Variants in UBAP2 observed in about 807,000 individuals in gnomAD.
UBAP2 encodes the protein ubiquitin associated protein 2.
A neutral mutation model predicts 139.6 loss-of-function variants in UBAP2; 75 were observed. The observed-to-expected ratio is 0.54, with a 90% CI of 0.45 to 0.65. The LOEUF (loss-of-function observed/expected upper bound fraction) is 0.65, where lower values mean the gene tolerates loss of function less well. Ranked by LOEUF, UBAP2 falls within the 30% of genes least tolerant of loss-of-function variation. The pLI is 0.00. For synonymous variants in UBAP2, 526 were observed against 526.2 expected, an observed-to-expected ratio of 1.00 and a Z score of 0.01; for missense variants, 1,368 against 1,369.6, an observed-to-expected ratio of 1.00 and a Z score of 0.02.
chr9:34,020,925 G>A (rs972192992), intron 1 of UBAP2, among the ~76,000 whole-genome samples: 1 of 152,136 alleles, frequency 6.6e-6, no homozygotes, highest in Non-Finnish European at 1.5e-5. Flanking sequence ...GCCTCCCAAA[G>A]TGGTGGGATT....
At chr9:33,979,064 C>T (rs904184740) in intron 6 of UBAP2, among the ~76,000 whole-genome samples, 2 of 152,104 alleles carry the variant, frequency 1.3e-5, no homozygotes, top group African/African-American at 4.8e-5. Flanking sequence ...ACACAGAGAC[C>T]TGCCTACAAT....
At chr9:33,927,731 TG>T (rs1823576879) in intron 20 of UBAP2, 65 bp downstream of exon 20, 17 of 1,514,624 alleles carry the variant, frequency 1.1e-5, no homozygotes, top group African/African-American at 1.4e-5. Flanking sequence ...ACTGCCTTCC[TG>T]GGACGCCAAG....
chr9:34,018,262 G>C (rs1198534095), intron 1 of UBAP2, among the ~76,000 whole-genome samples: 1 of 147,188 alleles, frequency 6.8e-6, no homozygotes. Flanking sequence ...GAAGAGCCGG[G>C]AATTTTCCGA....
rs1825821701 is a variant in UBAP2, at chr9:33,948,412, T to C, written c.1232A>G (p.Lys411Arg). The C allele has an allele frequency of 1.2e-6, 2 of 1,613,536 alleles. No individual in the cohort carries two copies. Among genetic ancestry groups the C allele is most frequent in the South Asian group, 2.2e-5 (2 of 91,020 alleles). The change falls in exon 13 of 29, where the codon AAG becomes AGG. Residue 411 changes from lysine (K) to arginine (R), a missense_variant. Transcript: ENST00000379238. Reference protein sequence around the residue: ...HPTTTTSWDLKPPTSQSSVLS... With the variant: ...HPTTTTSWDLRPPTSQSSVLS... ...GACTGAGGACTGGGATGTTGGGGGCTTGAGGTCCCAAGAAGTAGTAGTTGT... is the reference window on the plus strand; with the variant it reads ...GACTGAGGACTGGGATGTTGGGGGCCTGAGGTCCCAAGAAGTAGTAGTTGT...
intron 12 of UBAP2, among the ~76,000 whole-genome samples, chr9:33,949,532 G>A (rs970861896): frequency 1.6e-4 from 24 of 152,000 alleles, no homozygotes; most frequent in African/African-American, 4.1e-4. Context: ...GTGAAACCCC[G>A]TCTCTACTAA....
chr9:33,956,289 C>T, intron 10 of UBAP2, 143 bp from the exon 11 acceptor site: 1 of 535,824 alleles, frequency 1.9e-6, no homozygotes, highest in Non-Finnish European at 3.2e-6. Context: ...TACAAGTGAC[C>T]ATGACAAGTA....
At chr9:33,926,262 C>T (rs1001348124) in intron 22 of UBAP2, among the ~76,000 whole-genome samples, 1 of 152,086 alleles carries the variant, frequency 6.6e-6, no homozygotes, top group African/African-American at 2.4e-5. Flanking sequence ...TCCAGGGCCA[C>T]GTAAGCAACC....
chr9:34,004,617 C>G (rs948195993), intron 2 of UBAP2, among the ~76,000 whole-genome samples: 1 of 151,502 alleles, frequency 6.6e-6, no homozygotes, highest in Non-Finnish European at 1.5e-5. Flanking sequence ...CCCGTCTCTA[C>G]TAAAAAAATA....
At chr9:33,992,389 CAAAAAAAAAA>C (rs33969994) in intron 4 of UBAP2, among the ~76,000 whole-genome samples, 1 of 80,026 alleles carries the variant, frequency 1.2e-5, no homozygotes, top group Admixed American at 1.7e-4. Flanking sequence ...AACTCCATCT[CAAAAAAAAAA>C]AAAAAAAAAA....
intron 6 of UBAP2, among the ~76,000 whole-genome samples, chr9:33,986,146 G>T (rs1821192157): frequency 6.6e-6 from 1 of 151,918 alleles, no homozygotes; most frequent in African/African-American, 2.4e-5. Flanking sequence ...TCCACCTCTT[G>T]GGTCCAAGCA....
intron 1 of UBAP2, among the ~76,000 whole-genome samples, chr9:34,017,982 A>G (rs1041795440): frequency 6.6e-6 from 1 of 152,052 alleles, no homozygotes; most frequent in African/African-American, 2.4e-5. Context: ...ACAAACATTT[A>G]TTGACTAGCT....
intron 1 of UBAP2, among the ~76,000 whole-genome samples, chr9:34,019,287 C>A (rs1390365942): frequency 6.6e-6 from 1 of 152,072 alleles, no homozygotes; most frequent in Admixed American, 6.6e-5. Flanking sequence ...CCTGTAATCC[C>A]AGCAACTCAG....
At chr9:34,040,598 C>G (rs1826984774) in intron 1 of UBAP2, among the ~76,000 whole-genome samples, 1 of 152,100 alleles carries the variant, frequency 6.6e-6, no homozygotes, top group Non-Finnish European at 1.5e-5. Flanking sequence ...AAGAAGTTAG[C>G]AAGTTGCTAA....
chr9:33,923,818 A>C lies in UBAP2; in HGVS notation c.2773T>G (p.Phe925Val). 6.2e-7 allele frequency: 1 copy of C among 1,614,198 alleles called. No individual in the cohort carries two copies. Among genetic ancestry groups the C allele is most frequent in the South Asian group, 1.1e-5 (1 of 91,082 alleles). The change falls in exon 24 of 29, where the codon TTC (phenylalanine) becomes GTC (valine). Residue 925 changes from phenylalanine (F) to valine (V), a missense_variant. Coordinates refer to ENST00000379238, the MANE Select transcript of UBAP2 (RefSeq NM_001370062.2). ...ACAAACATGGTGGGGCCATACTGGAAGGCACTGGGCATGCCTGTGTAGTAG... is the reference window on the plus strand; with the variant it reads ...ACAAACATGGTGGGGCCATACTGGACGGCACTGGGCATGCCTGTGTAGTAG... ...LPYYTGMPSAFQYGPTMFVPP... is the reference protein window; with the variant it reads ...LPYYTGMPSAVQYGPTMFVPP...
rs869116521 is a variant in UBAP2 at position 34,036,806 on chromosome 9, C to CTTTT, written c.-42+12015_-42+12018dup. 2.7e-4 allele frequency among the ~76,000 whole-genome samples: 27 copies of CTTTT among 99,476 alleles called. 1 individual carries two copies. Among genetic ancestry groups the CTTTT allele is most frequent in the Non-Finnish European group, 4.1e-4 (21 of 50,926 alleles). The allele number at this position is 99,476 out of a possible 152,430, so 65.3% of individuals were successfully genotyped here. On this transcript the variant is annotated intron_variant, in intron 1 of 28. Coordinates refer to ENST00000379238, the MANE Select transcript of UBAP2 (RefSeq NM_001370062.2). ...AGAATATACTACCTTAAGTTTTTCT[C>CTTTT]TTTTTTTTTTTTTTTTTTTTGAGAC... is the stretch of plus-strand genomic sequence containing the variant.
rs778932849 is a variant in UBAP2 at position 33,973,194 on chromosome 9, G to A, written c.564C>T (p.Thr188=). ...TGGCTATCACTTACCCCATGCCTTG[G>A]GTTGAGAACCTTCCTGCCCCTCTCC... ...GRGRGAGRFS[T]QGMGTFNPAD... The change falls in exon 7 of 29, where the codon ACC becomes ACT. Residue 188 remains threonine (T), a synonymous_variant. Coordinates refer to ENST00000379238, the MANE Select transcript of UBAP2 (RefSeq NM_001370062.2). 4.3e-6 allele frequency: 7 copies of A among 1,613,832 alleles called. No homozygotes were observed. The South Asian group carries it at 7.7e-5, about 18-fold the overall frequency.
chr9:33,922,624 T>A (rs1434268238), intron 28 of UBAP2, 25 bp from the exon 29 acceptor site: 1 of 1,608,732 alleles, frequency 6.2e-7, no homozygotes, highest in Admixed American at 1.7e-5. Context: ...AAGGGAAGGC[T>A]GTCAAGGCTG....
chr9:34,041,180 C>G (rs893080241), intron 1 of UBAP2, among the ~76,000 whole-genome samples: 2 of 151,874 alleles, frequency 1.3e-5, no homozygotes. Flanking sequence ...GGGCCGGGCA[C>G]GATGGCTAAC....
At chr9:33,933,340 G>A (rs1269965178) in intron 18 of UBAP2, 150 bp downstream of exon 18, 8 of 947,862 alleles carry the variant, frequency 8.4e-6, no homozygotes, top group African/African-American at 1.7e-5. Flanking sequence ...GAACAACCTG[G>A]CCAAAACCTA....
Sources: allele counts gnomAD v4.1 joint callset (sites outside exome capture counted in the v4.1 genomes callset), GRCh38; gene constraint gnomAD v4.1.1; transcripts MANE v1.5; gene names NCBI Gene and HGNC (gene_info 2026-07-23, HGNC 2026-07-21).